The following PARD3B variants were observed in gnomAD, a reference collection of about 807,000 sequenced individuals.
PARD3B encodes the protein partitioning defective 3 homolog B.
Under a neutral mutation model 130.2 loss-of-function variants are expected in PARD3B, and 103 were observed. That is an observed-to-expected ratio of 0.79 (90% CI 0.67 to 0.93). PARD3B has a LOEUF of 0.93. PARD3B is among the 40% of genes least tolerant of loss of function. PARD3B has a pLI of 0.00. For synonymous variants in PARD3B, 583 were observed against 553.2 expected (o/e 1.05, Z -0.76); for missense variants, 1,609 against 1,499.2 (o/e 1.07, Z -1.21).
At chr2:204,901,604 A>G (rs540418868) in intron 2 of PARD3B, among the ~76,000 whole-genome samples, 1 of 146,040 alleles carries the variant, frequency 6.8e-6, no homozygotes, top group South Asian at 2.1e-4. Context: ...CAGAGCTTGT[A>G]TCTAAGGTGC....
intron 2 of PARD3B, among the ~76,000 whole-genome samples, chr2:204,726,496 T>A (rs962828642): frequency 2.6e-5 from 4 of 152,252 alleles, no homozygotes; most frequent in African/African-American, 9.6e-5. Flanking sequence ...TCCCTCAATG[T>A]TGGCGTCAAG....
rs533060874 is a variant in PARD3B, at chr2:205,397,027, C to T, written c.2631-3986C>T. On this transcript the variant is annotated intron_variant, in intron 18 of 22. Coordinates refer to ENST00000406610, the MANE Select transcript of PARD3B (RefSeq NM_001302769.2). This position sits in a 1 kb window ranked among gnomAD's most constrained non-coding sequence, Gnocchi z 4.8. ...AATCTTTCCCCCTCACTCTCTCCCC[C>T]GGTCCACTACTGCCACTACTGATAA... Among the ~76,000 whole-genome samples, 5 of 152,214 alleles carry T rather than the reference C, an allele frequency of 3.3e-5. No individual in the cohort carries two copies. The highest frequency in any genetic ancestry group is 7.2e-5 in the African/African-American group (3 of 41,548).
At chr2:205,393,882 G>C (rs1484015287) in intron 18 of PARD3B, among the ~76,000 whole-genome samples, 1 of 152,088 alleles carries the variant, frequency 6.6e-6, no homozygotes, top group Non-Finnish European at 1.5e-5. Context: ...GGAGGAATTT[G>C]AATGTCATCA....
chr2:204,809,644 C>T (rs1412557266), intron 2 of PARD3B, among the ~76,000 whole-genome samples: 1 of 152,088 alleles, frequency 6.6e-6, no homozygotes, highest in Non-Finnish European at 1.5e-5. Flanking sequence ...GTTATTGTAG[C>T]CCCATAGTAT....
rs10707308 is a variant in PARD3B, at chr2:205,249,006, G to GTTTT, written c.2185+3202_2185+3205dup. ...TCAGAATATTTAGGTTAAAATAAGA[G>GTTTT]TTTTTTTTTTTTTTTTTTTTTGAGA... On this transcript the variant is annotated intron_variant, in intron 16 of 22. Transcript: ENST00000406610. Among the ~76,000 whole-genome samples, 52 of 95,104 alleles carry GTTTT rather than the reference G, an allele frequency of 5.5e-4. 1 individual carries two copies. Among genetic ancestry groups the GTTTT allele is most frequent in the African/African-American group, 1.8e-3 (38 of 21,476 alleles). The allele number at this position is 95,104 out of a possible 152,430, so 62.4% of individuals were successfully genotyped here.
chr2:204,747,658 T>G (rs942190938), intron 2 of PARD3B, among the ~76,000 whole-genome samples: 1 of 152,082 alleles, frequency 6.6e-6, no homozygotes, highest in African/African-American at 2.4e-5. Context: ...GGAGGCATCA[T>G]GCTACCTGAC....
At chr2:205,113,676 C>A in intron 6 of PARD3B, 99 bp downstream of exon 6, 1 of 858,894 alleles carries the variant, frequency 1.2e-6, no homozygotes, top group Non-Finnish European at 1.8e-6. Flanking sequence ...AATGTGAATT[C>A]TATTATTCAA....
chr2:204,706,649 C>T lies in PARD3B; in HGVS notation c.222+20367C>T, dbSNP rs140772391. ...GGAGAAAAGTCTAGGGTGATGATCT[C>T]GGTCACATTTTAGTGGAGGTAAAAG... On this transcript the variant is annotated intron_variant, in intron 2 of 22. Transcript: ENST00000406610. Among the ~76,000 whole-genome samples, 458 of 151,914 alleles carry T rather than the reference C, an allele frequency of 3.0e-3. 1 individual carries two copies. Among genetic ancestry groups the T allele is most frequent in the African/African-American group, 5.8e-3 (239 of 41,414 alleles).
intron 2 of PARD3B, among the ~76,000 whole-genome samples, chr2:204,853,580 C>T (rs1454906642): frequency 1.3e-5 from 2 of 152,092 alleles, no homozygotes; most frequent in Non-Finnish European, 2.9e-5. Flanking sequence ...TACACAAGCT[C>T]AGCAAACTAA....
chr2:204,643,115 C>CTAAAAAAAAAAAAAAA (rs557257879), intron 1 of PARD3B, among the ~76,000 whole-genome samples: 1 of 31,826 alleles, frequency 3.1e-5, no homozygotes, highest in Non-Finnish European at 5.9e-5. Context: ...CTCTGTCTCA[C>CTAAAAAAAAAAAAAAA]AAAAAAAAAA....
rs2125685382 is a variant in PARD3B, at chr2:205,146,615, C to T, written c.1435-12107C>T. ...GCAGTGAGCCGAGATAGCGCCACTG[C>T]ACTCCAGCCTGGGCGACAGAGCGAG... On this transcript the variant is annotated intron_variant, in intron 10 of 22. Coordinates refer to ENST00000406610, the MANE Select transcript of PARD3B (RefSeq NM_001302769.2). This position sits in a 1 kb window ranked among gnomAD's most constrained non-coding sequence, Gnocchi z 4.3. Among the ~76,000 whole-genome samples, 1 of 151,956 alleles carries T rather than the reference C, an allele frequency of 6.6e-6. No homozygotes were observed. The highest frequency in any genetic ancestry group is 2.1e-4 in the South Asian group (1 of 4,784).
At chr2:205,424,743 G>C (rs1467475475) in intron 19 of PARD3B, among the ~76,000 whole-genome samples, 1 of 152,106 alleles carries the variant, frequency 6.6e-6, no homozygotes, top group Non-Finnish European at 1.5e-5. Flanking sequence ...TCAACAGAAG[G>C]GGTTGATCCT....
At chr2:205,042,679 C>T (rs1351139206) in intron 3 of PARD3B, among the ~76,000 whole-genome samples, 1 of 151,862 alleles carries the variant, frequency 6.6e-6, no homozygotes, top group Non-Finnish European at 1.5e-5. Flanking sequence ...TCCAATAAGC[C>T]ACGTATAACC....
At chr2:204,787,124 C>G (rs1199755161) in intron 2 of PARD3B, among the ~76,000 whole-genome samples, 3 of 151,750 alleles carry the variant, frequency 2.0e-5, no homozygotes, top group East Asian at 1.9e-4. Flanking sequence ...TTTTGAATCC[C>G]CTTCATGTGC....
intron 18 of PARD3B, among the ~76,000 whole-genome samples, chr2:205,303,149 C>T (rs2042072003): frequency 6.6e-6 from 1 of 152,078 alleles, no homozygotes; most frequent in Non-Finnish European, 1.5e-5. Flanking sequence ...AAGCTTTCTT[C>T]CTTTCTGCCT....
At chr2:205,548,007 T>C (rs1298139447) in intron 21 of PARD3B, among the ~76,000 whole-genome samples, 1 of 152,192 alleles carries the variant, frequency 6.6e-6, no homozygotes, top group Non-Finnish European at 1.5e-5. Context: ...GTTTTGGCAC[T>C]GTGGAACACT....
chr2:204,843,653 A>T (rs79382615), intron 2 of PARD3B, among the ~76,000 whole-genome samples: 2 of 152,150 alleles, frequency 1.3e-5, no homozygotes, highest in South Asian at 2.1e-4. Flanking sequence ...GGGATTACAG[A>T]TGTGAGCCAC....
chr2:205,593,734 G>A (rs35678542), intron 22 of PARD3B, among the ~76,000 whole-genome samples: 24,911 of 152,136 alleles, frequency 0.16, 2,613 homozygotes, highest in East Asian at 0.32. Flanking sequence ...GGTGGCGAGA[G>A]GTGGGGTAGA....
rs1041753844 is a variant in PARD3B, at chr2:204,730,664, C to T, written c.222+44382C>T. On this transcript the variant is annotated intron_variant, in intron 2 of 22. Transcript: ENST00000406610. ...TAGTGATACTCTGAAAAGCTCTCAT[C>T]GGAGAATAAAGGATGCAATCGCTGT... 8.6e-5 allele frequency among the ~76,000 whole-genome samples: 13 copies of T among 151,672 alleles called. No individual in the cohort carries two copies. In the East Asian group the frequency reaches 9.7e-4, roughly 11 times the overall value.
Sources: allele counts gnomAD v4.1 joint callset (sites outside exome capture counted in the v4.1 genomes callset), GRCh38; gene constraint gnomAD v4.1.1; non-coding constraint Gnocchi (gnomAD v3.1); transcripts MANE v1.5; gene names NCBI Gene and HGNC (gene_info 2026-07-23, HGNC 2026-07-21).